Variants in PHLDB2 observed in about 807,000 individuals in gnomAD.
PHLDB2 encodes the protein pleckstrin homology like domain family B member 2.
In PHLDB2, 71 loss-of-function variants were observed where a neutral mutation model predicts 123.6. That is an observed-to-expected ratio of 0.57 (90% CI 0.47 to 0.70). The LOEUF (loss-of-function observed/expected upper bound fraction) is 0.70. Among genes scored for constraint, PHLDB2 ranks in the 30% least tolerant of loss-of-function variants. PHLDB2 has a pLI of 0.00. For missense variants in PHLDB2, 1,446 were observed against 1,519.5 expected (o/e 0.95, Z 0.80); for synonymous variants, 547 against 541.6 (o/e 1.01, Z -0.14).
chr3:111,823,894 G>A (rs1372516574), intron 1 of PHLDB2, among the ~76,000 whole-genome samples: 3 of 152,122 alleles, frequency 2.0e-5, no homozygotes, highest in African/African-American at 7.2e-5. Context: ...GGTGGAGGGG[G>A]TACAGACCTA....
At chr3:111,939,377 A>G (rs2107597295) in intron 6 of PHLDB2, 98 bp from the exon 7 acceptor site, 2 of 1,245,264 alleles carry the variant, frequency 1.6e-6, no homozygotes, top group African/African-American at 3.0e-5. Context: ...GTAACTGGAA[A>G]GATATCTTGG....
chr3:111,771,771 A>G (rs898600154), intron 1 of PHLDB2, among the ~76,000 whole-genome samples: 2 of 152,216 alleles, frequency 1.3e-5, no homozygotes, highest in Admixed American at 6.5e-5. Flanking sequence ...GATCACCTGC[A>G]AAGACCCTGT....
Position 111,914,070 on chromosome 3 carries a change from G to C in PHLDB2, c.1719+368G>C, listed in dbSNP as rs139231324. On this transcript the variant is annotated intron_variant, in intron 3 of 17. Transcript: ENST00000431670. ...TATCTGTTATAGGCATAGACAGACA[G>C]ACACACACATAGTGTTCTGTACTTT... is the stretch of plus-strand genomic sequence containing the variant. The C allele has an allele frequency of 2.2e-3, 448 of 200,764 alleles. 1 individual carries two copies. The highest frequency in any genetic ancestry group is 9.8e-3 in the African/African-American group (424 of 43,202). The allele number at this position is 200,764 out of a possible 1,614,324, so 12.4% of individuals were successfully genotyped here. A position where few individuals can be genotyped will look rare whatever the true frequency, so the allele number is the denominator to read the frequency against.
intron 1 of PHLDB2, chr3:111,779,745 C>A: frequency 1.8e-6 from 1 of 545,708 alleles, no homozygotes; most frequent in Non-Finnish European, 2.3e-6. Flanking sequence ...GATGAACATA[C>A]AGGTGCATAT....
At chr3:111,943,220 A>G (rs906611651) in intron 8 of PHLDB2, among the ~76,000 whole-genome samples, 3 of 152,220 alleles carry the variant, frequency 2.0e-5, no homozygotes, top group Non-Finnish European at 4.4e-5. Context: ...AAACTGAACT[A>G]TAAGTCCAAA....
intron 1 of PHLDB2, among the ~76,000 whole-genome samples, chr3:111,834,641 C>T (rs780515746): frequency 9.2e-5 from 14 of 151,840 alleles, no homozygotes; most frequent in Non-Finnish European, 1.5e-4. Flanking sequence ...CTTTATAAGA[C>T]AAATTTTTAG....
At chr3:111,957,109 C>G (rs1358915660) in intron 12 of PHLDB2, 6 of 152,646 alleles carry the variant, frequency 3.9e-5, no homozygotes, top group Non-Finnish European at 8.8e-5. Context: ...GAGTTTAAAA[C>G]AGAGAGCTGA....
intron 2 of PHLDB2, among the ~76,000 whole-genome samples, chr3:111,902,003 T>C (rs1283501244): frequency 6.6e-6 from 1 of 152,212 alleles, no homozygotes; most frequent in Non-Finnish European, 1.5e-5. Flanking sequence ...AAATGATATA[T>C]TTTTGTCTTT....
intron 1 of PHLDB2, among the ~76,000 whole-genome samples, chr3:111,835,233 C>G (rs566272689): frequency 6.6e-6 from 1 of 152,244 alleles, no homozygotes; most frequent in African/African-American, 2.4e-5. Flanking sequence ...AAACTTGCTT[C>G]CCATCACACA....
intron 5 of PHLDB2, among the ~76,000 whole-genome samples, chr3:111,925,818 C>T (rs144953533): frequency 5.3e-5 from 8 of 152,312 alleles, no homozygotes; most frequent in African/African-American, 1.9e-4. Context: ...GGTTTTCTGT[C>T]TCTATTTCTA....
chr3:111,871,214 T>G (rs2065322357), intron 1 of PHLDB2, among the ~76,000 whole-genome samples: 1 of 152,208 alleles, frequency 6.6e-6, no homozygotes, highest in Admixed American at 6.5e-5. Flanking sequence ...ATACGTTGCA[T>G]AATTTGGGAA....
chr3:111,840,905 A>G (rs2063662656), intron 1 of PHLDB2, among the ~76,000 whole-genome samples: 1 of 152,184 alleles, frequency 6.6e-6, no homozygotes, highest in Non-Finnish European at 1.5e-5. Context: ...AATAATGCAT[A>G]AAGACATATG....
intron 1 of PHLDB2, among the ~76,000 whole-genome samples, chr3:111,741,188 TC>T (rs891751282): frequency 1.3e-5 from 2 of 152,220 alleles, no homozygotes; most frequent in African/African-American, 4.8e-5. Context: ...AACTCTGTTT[TC>T]CTACTTTCAA....
chr3:111,821,492 C>T (rs542610541), intron 1 of PHLDB2, among the ~76,000 whole-genome samples: 70 of 152,198 alleles, frequency 4.6e-4, no homozygotes, highest in African/African-American at 1.6e-3. Context: ...TGCTGTAGCT[C>T]GAGGCCAAAG....
At chr3:111,746,486 G>C (rs2107945340) in intron 1 of PHLDB2, among the ~76,000 whole-genome samples, 1 of 152,272 alleles carries the variant, frequency 6.6e-6, no homozygotes, top group Admixed American at 6.5e-5. Flanking sequence ...AGGCCAGCTG[G>C]GTACAGTGGC....
chr3:111,821,210 T>C (rs139625888), intron 1 of PHLDB2, among the ~76,000 whole-genome samples: 1 of 152,216 alleles, frequency 6.6e-6, no homozygotes, highest in Non-Finnish European at 1.5e-5. Flanking sequence ...ATGATAGATT[T>C]TGAATGTCTT....
intron 16 of PHLDB2, among the ~76,000 whole-genome samples, chr3:111,970,728 T>A (rs887276671): frequency 2.0e-5 from 3 of 152,166 alleles, no homozygotes; most frequent in Non-Finnish European, 4.4e-5. Flanking sequence ...TCTACTTTCT[T>A]TGCAGCTGCT....
intron 10 of PHLDB2, among the ~76,000 whole-genome samples, chr3:111,951,782 T>G (rs2070733326): frequency 6.6e-6 from 1 of 152,032 alleles, no homozygotes; most frequent in Admixed American, 6.6e-5. Context: ...TTCATAGTTT[T>G]GGGGGGAACA....
At chr3:111,822,573 T>C (rs1483047368) in intron 1 of PHLDB2, among the ~76,000 whole-genome samples, 1 of 152,172 alleles carries the variant, frequency 6.6e-6, no homozygotes, top group Non-Finnish European at 1.5e-5. Flanking sequence ...TCTTAAAGGA[T>C]GGGAATTTTC....
Sources: gnomAD v4.1 joint callset for allele counts (sites outside exome capture counted in the v4.1 genomes callset) on GRCh38, gnomAD v4.1.1 for gene constraint, MANE v1.5 for transcripts, NCBI Gene and HGNC (gene_info 2026-07-23, HGNC 2026-07-21) for gene names.